Variants in NDST4 observed in about 807,000 individuals in gnomAD.
NDST4 encodes N-heparan sulfate sulfotransferase 4.
NDST4 carries 63 observed loss-of-function variants against 100.8 expected under a neutral mutation model. The observed-to-expected ratio is 0.62, with a 90% CI of 0.51 to 0.77. The LOEUF (loss-of-function observed/expected upper bound fraction) is 0.77, where lower values mean the gene tolerates loss of function less well. NDST4 is among the 30% of genes least tolerant of loss of function. NDST4 has a pLI of 0.00. For synonymous variants in NDST4, 377 were observed against 361.8 expected (o/e 1.04, Z -0.48); for missense variants, 943 against 1,018.4 (o/e 0.93, Z 1.01).
At chr4:114,848,865 A>G (rs1181503895) in intron 8 of NDST4, among the ~76,000 whole-genome samples, 1 of 152,204 alleles carries the variant, frequency 6.6e-6, no homozygotes, top group East Asian at 1.9e-4. Flanking sequence ...CCCTGTGTGG[A>G]CTTGGACAAG....
chr4:114,937,321 GATGCTATTGTGA>G lies in NDST4; in HGVS notation c.1392_1403del (p.His465_Ile468del). The G allele has an allele frequency of 1.9e-6, 3 of 1,613,964 alleles. No homozygotes were observed. The highest frequency in any genetic ancestry group is 2.5e-6 in the Non-Finnish European group (3 of 1,179,846). On this transcript the variant is annotated inframe_deletion, in exon 5 of 14. Transcript: ENST00000264363. ...ATACATGGCTCTCTGTGCTCACCATGATGCTATTGTGAATGAAGCCCTTTCTGTACCGGGCAG... is the reference window on the plus strand; with the variant it reads ...ATACATGGCTCTCTGTGCTCACCATGATGAAGCCCTTTCTGTACCGGGCAG...
intron 6 of NDST4, among the ~76,000 whole-genome samples, chr4:114,931,721 T>A (rs1286739609): frequency 6.6e-6 from 1 of 151,768 alleles, no homozygotes; most frequent in Non-Finnish European, 1.5e-5. Flanking sequence ...TGAACAATGA[T>A]AAACCTAACA....
intron 10 of NDST4, among the ~76,000 whole-genome samples, chr4:114,841,948 G>GA (rs1162295468): frequency 6.6e-6 from 1 of 151,864 alleles, no homozygotes; most frequent in Non-Finnish European, 1.5e-5. Context: ...AATAAATTTT[G>GA]AAAAATCAAG....
intron 10 of NDST4, 49 bp downstream of exon 10, chr4:114,845,774 A>T (rs764757142): frequency 1.3e-6 from 2 of 1,519,364 alleles, no homozygotes; most frequent in Non-Finnish European, 9.0e-7. Flanking sequence ...CATTGCCTCC[A>T]TTTAAGCTAT....
chr4:114,839,635 G>A, intron 10 of NDST4, 87 bp from the exon 11 acceptor site: 1 of 1,088,502 alleles, frequency 9.2e-7, no homozygotes, highest in South Asian at 1.6e-5. Flanking sequence ...ACATGCATGT[G>A]TGTGTTTGGT....
chr4:115,045,004 T>A (rs114957887), intron 2 of NDST4, among the ~76,000 whole-genome samples: 8 of 152,018 alleles, frequency 5.3e-5, no homozygotes, highest in Non-Finnish European at 1.2e-4. Context: ...CTGGTATATA[T>A]GAAATGCAAG....
intron 3 of NDST4, among the ~76,000 whole-genome samples, chr4:114,975,494 T>TGTC (rs1726612704): frequency 4.6e-5 from 7 of 152,130 alleles, no homozygotes; most frequent in Admixed American, 1.3e-4. Flanking sequence ...CTTCAATAAC[T>TGTC]ATTTCTGTGA....
chr4:114,912,630 A>C (rs1725085252), intron 6 of NDST4, among the ~76,000 whole-genome samples: 1 of 152,078 alleles, frequency 6.6e-6, no homozygotes, highest in South Asian at 2.1e-4. Flanking sequence ...TTGCCATCCC[A>C]CCTTATCTCA....
chr4:115,066,142 T>C (rs1177653175), intron 2 of NDST4, among the ~76,000 whole-genome samples: 2 of 152,222 alleles, frequency 1.3e-5, no homozygotes, highest in Non-Finnish European at 2.9e-5. Flanking sequence ...GTCCTGTCTC[T>C]ACTACTGAAA....
chr4:114,839,815 C>T (rs1056526204), intron 10 of NDST4, among the ~76,000 whole-genome samples: 1 of 152,126 alleles, frequency 6.6e-6, no homozygotes, highest in African/African-American at 2.4e-5. Flanking sequence ...CAAGCCTTCA[C>T]TATATATCAA....
intron 6 of NDST4, among the ~76,000 whole-genome samples, chr4:114,894,740 C>T (rs1724676420): frequency 6.6e-6 from 1 of 152,126 alleles, no homozygotes; most frequent in Non-Finnish European, 1.5e-5. Context: ...ATGTCTTCCT[C>T]TTGCCTGATT....
At chr4:115,046,679 A>ATATGT (rs1212244377) in intron 2 of NDST4, among the ~76,000 whole-genome samples, 16 of 152,248 alleles carry the variant, frequency 1.1e-4, no homozygotes, top group Admixed American at 8.5e-4. Context: ...CAAATAGATG[A>ATATGT]TACATAATTT....
At chr4:114,959,335 T>C (rs1214840696) in intron 4 of NDST4, among the ~76,000 whole-genome samples, 1 of 151,456 alleles carries the variant, frequency 6.6e-6, no homozygotes, top group African/African-American at 2.5e-5. Context: ...ATCAATTTAC[T>C]GTATTAGCTC....
chr4:114,860,629 G>C (rs1723899322), intron 7 of NDST4, among the ~76,000 whole-genome samples: 1 of 152,178 alleles, frequency 6.6e-6, no homozygotes, highest in Admixed American at 6.5e-5. Flanking sequence ...TGAGCCCCTA[G>C]GTGATCATGT....
chr4:115,065,805 C>T (rs1465415450), intron 2 of NDST4, among the ~76,000 whole-genome samples: 1 of 152,102 alleles, frequency 6.6e-6, no homozygotes, highest in African/African-American at 2.4e-5. Flanking sequence ...ATTCTGGCCA[C>T]AAACAGCACC....
chr4:114,844,873 G>A (rs1723510430), intron 10 of NDST4, among the ~76,000 whole-genome samples: 1 of 152,082 alleles, frequency 6.6e-6, no homozygotes, highest in Non-Finnish European at 1.5e-5. Flanking sequence ...ATTACAGAAG[G>A]GGAATCACAT....
chr4:115,074,348 A>T (rs564876), intron 2 of NDST4, among the ~76,000 whole-genome samples: 25,905 of 151,902 alleles, frequency 0.17, 2,650 homozygotes, highest in East Asian at 0.46. Context: ...ACTCATATTG[A>T]TCTTTAGCCT....
chr4:114,877,655 G>T (rs2126199551), intron 6 of NDST4, among the ~76,000 whole-genome samples: 1 of 152,262 alleles, frequency 6.6e-6, no homozygotes, highest in East Asian at 1.9e-4. Context: ...ACTACACTTA[G>T]AAGGAGAAAT....
At chr4:114,935,004 G>GGTTTTT in intron 6 of NDST4, 1 of 284,886 alleles carries the variant, frequency 3.5e-6, no homozygotes, top group Non-Finnish European at 6.2e-6. Flanking sequence ...TAAAAACCAT[G>GGTTTTT]ACTTTGTAAT....
Sources: allele counts gnomAD v4.1 joint callset (sites outside exome capture counted in the v4.1 genomes callset), GRCh38; gene constraint gnomAD v4.1.1; transcripts MANE v1.5; gene names NCBI Gene and HGNC (gene_info 2026-07-23, HGNC 2026-07-21).